The following SETBP1 variants were observed in gnomAD, a reference collection of about 807,000 sequenced individuals.
SETBP1 encodes the protein SET-binding protein.
Under a neutral mutation model 101.0 loss-of-function variants are expected in SETBP1, and 9 were observed. The ratio of observed to expected loss-of-function variants is 0.09; its 90% confidence interval spans 0.05 to 0.16. The LOEUF is 0.16. SETBP1 is among the 10% of genes least tolerant of loss of function. The pLI is 1.00. For missense variants in SETBP1, 1,858 were observed against 2,033.8 expected, an observed-to-expected ratio of 0.91 and a Z score of 1.66; for synonymous variants, 818 against 788.5, an observed-to-expected ratio of 1.04 and a Z score of -0.63.
chr18:45,049,883 A>G (rs986838936), intron 5 of SETBP1, among the ~76,000 whole-genome samples: 2 of 152,232 alleles, frequency 1.3e-5, no homozygotes, highest in Admixed American at 6.5e-5. Flanking sequence ...AGACAAGAGT[A>G]TAAAATTAAT....
chr18:45,015,965 C>T (rs2072931045), intron 4 of SETBP1, among the ~76,000 whole-genome samples: 1 of 152,198 alleles, frequency 6.6e-6, no homozygotes, highest in Admixed American at 6.5e-5. Context: ...CCATTTTACA[C>T]TTCAGAAAAC....
At chr18:44,887,575 T>C (rs751478639) in intron 3 of SETBP1, among the ~76,000 whole-genome samples, 1 of 152,176 alleles carries the variant, frequency 6.6e-6, no homozygotes, top group African/African-American at 2.4e-5. Flanking sequence ...ACAGAGGGCT[T>C]TTCTCTGTTC....
At chr18:45,035,780 C>A (rs953893556) in intron 4 of SETBP1, among the ~76,000 whole-genome samples, 1 of 152,202 alleles carries the variant, frequency 6.6e-6, no homozygotes, top group African/African-American at 2.4e-5. Context: ...ATTTCCTGAG[C>A]TGTTCTGTGG....
intron 3 of SETBP1, among the ~76,000 whole-genome samples, chr18:44,874,774 A>G (rs1345682745): frequency 2.0e-5 from 3 of 150,038 alleles, no homozygotes; most frequent in African/African-American, 7.6e-5. Flanking sequence ...AGAGATCATC[A>G]GAGGACACAA....
In SETBP1 at chr18:44,872,864, G is replaced by A. The variant is rs568173658; in HGVS notation, c.540+3581G>A. Among the ~76,000 whole-genome samples, 27 of 152,216 alleles carry A rather than the reference G, an allele frequency of 1.8e-4. 1 individual carries two copies. The highest frequency in any genetic ancestry group is 3.9e-4 in the East Asian group (2 of 5,194). ...GTGGAACAGTGATGTGACAACGAAC[G>A]TCCACCACAGAGGAAAGCACAGACT... is the stretch of plus-strand genomic sequence containing the variant. On this transcript the variant is annotated intron_variant, in intron 3 of 5. Coordinates refer to ENST00000649279, the MANE Select transcript of SETBP1 (RefSeq NM_015559.3).
intron 3 of SETBP1, among the ~76,000 whole-genome samples, chr18:44,938,978 G>GTGTGTGTGTC (rs2071025262): frequency 6.6e-6 from 1 of 151,598 alleles, no homozygotes; most frequent in Non-Finnish European, 1.5e-5. Flanking sequence ...GTGTGTGTGT[G>GTGTGTGTGTC]TGTGTCTGTG....
At position 45,038,584 on chromosome 18, in the gene SETBP1, T is replaced by C. The variant is rs1417975606; in HGVS notation, c.4100T>C (p.Val1367Ala). The change falls in exon 5 of 6, where the codon GTT (valine) becomes GCT (alanine). Residue 1367 changes from valine to alanine, a missense_variant. Around this residue, in one of 12 missense-constraint regions of SETBP1, gnomAD observed 417 missense variants for 389.1 expected, o/e 1.07. Transcript: ENST00000649279. ...TMMTRKKPAA[V>A]DSVTIPPAPV... The stretch of plus-strand genomic sequence containing the variant: ...ATGACCAGGAAGAAGCCAGCCGCAG[T>C]TGACAGTGTTACAATTCCACCAGCC... 6.2e-7 allele frequency: 1 copy of C among 1,614,204 alleles called. No individual in the cohort carries two copies. Among genetic ancestry groups the C allele is most frequent in the Non-Finnish European group, 8.5e-7 (1 of 1,180,032 alleles).
intron 3 of SETBP1, among the ~76,000 whole-genome samples, chr18:44,910,100 C>G (rs1273265460): frequency 6.6e-6 from 1 of 152,164 alleles, no homozygotes; most frequent in Non-Finnish European, 1.5e-5. Context: ...AACTGCCCGC[C>G]GTCTGGGTTA....
At chr18:44,707,947 T>G (rs2069258018) in intron 2 of SETBP1, among the ~76,000 whole-genome samples, 1 of 152,152 alleles carries the variant, frequency 6.6e-6, no homozygotes, top group Non-Finnish European at 1.5e-5. Context: ...AAGGAGAGAT[T>G]GGTCTAGGGT....
intron 2 of SETBP1, among the ~76,000 whole-genome samples, chr18:44,794,666 T>G (rs1462054940): frequency 6.6e-6 from 1 of 152,174 alleles, no homozygotes; most frequent in Admixed American, 6.5e-5. Flanking sequence ...TCTTACCCAG[T>G]GCTGTCCCTA....
At chr18:44,873,235 G>T (rs1462200675) in intron 3 of SETBP1, among the ~76,000 whole-genome samples, 7 of 152,158 alleles carry the variant, frequency 4.6e-5, no homozygotes, top group Admixed American at 2.0e-4. Context: ...CCCAGATGTT[G>T]ACAATTCTGA....
At chr18:44,770,767 C>T (rs1375947413) in intron 2 of SETBP1, among the ~76,000 whole-genome samples, 2 of 152,108 alleles carry the variant, frequency 1.3e-5, no homozygotes, top group Non-Finnish European at 1.5e-5. Flanking sequence ...AGGCATTATG[C>T]ACTAGAATGT....
intron 3 of SETBP1, among the ~76,000 whole-genome samples, chr18:44,872,815 G>A (rs2144698153): frequency 6.6e-6 from 1 of 152,358 alleles, no homozygotes; most frequent in Admixed American, 6.5e-5. Flanking sequence ...TTCAGACTCA[G>A]GTCCTGCATG....
intron 3 of SETBP1, 115 bp from the exon 4 acceptor site, chr18:44,949,766 A>T: frequency 1.1e-6 from 1 of 870,024 alleles, no homozygotes; most frequent in Non-Finnish European, 1.8e-6. Context: ...TTCGGTATTC[A>T]TTTCCAACTT....
chr18:44,738,310 T>A (rs1467743723), intron 2 of SETBP1, among the ~76,000 whole-genome samples: 1 of 152,186 alleles, frequency 6.6e-6, no homozygotes, highest in Non-Finnish European at 1.5e-5. Context: ...TCTTTGCAAT[T>A]CTCTTCTGGT....
intron 2 of SETBP1, among the ~76,000 whole-genome samples, chr18:44,791,045 G>C (rs144072065): frequency 6.6e-6 from 1 of 152,208 alleles, no homozygotes; most frequent in African/African-American, 2.4e-5. Context: ...GAGTCTGCCT[G>C]CCTGGAGTTT....
intron 4 of SETBP1, among the ~76,000 whole-genome samples, chr18:45,000,335 G>T (rs1366192121): frequency 6.6e-6 from 1 of 152,216 alleles, no homozygotes; most frequent in Non-Finnish European, 1.5e-5. Flanking sequence ...GAAAAAGCAA[G>T]AGCCCAGGTG....
At chr18:44,692,249 T>A (rs2068947159) in intron 1 of SETBP1, among the ~76,000 whole-genome samples, 1 of 152,238 alleles carries the variant, frequency 6.6e-6, no homozygotes, top group Non-Finnish European at 1.5e-5. Context: ...ACTAAGGTGA[T>A]CCCAGTATGT....
At chr18:44,846,849 C>G (rs957829785) in intron 2 of SETBP1, among the ~76,000 whole-genome samples, 2 of 152,216 alleles carry the variant, frequency 1.3e-5, no homozygotes, top group Non-Finnish European at 2.9e-5. Flanking sequence ...TTTAGTCTCT[C>G]CTTTTCCAAA....
Sources: gnomAD v4.1 joint callset for allele counts (sites outside exome capture counted in the v4.1 genomes callset) on GRCh38, gnomAD v4.1.1 for gene constraint, gnomAD v4.1.1 regional missense constraint, MANE v1.5 for transcripts, NCBI Gene and HGNC (gene_info 2026-07-23, HGNC 2026-07-21) for gene names.